The following C1orf146 variants were observed in gnomAD, a reference collection of about 807,000 sequenced individuals.
C1orf146 encodes chromosome 1 open reading frame 146.
Under a neutral mutation model 23.0 loss-of-function variants are expected in C1orf146, and 22 were observed. The ratio of observed to expected loss-of-function variants is 0.96; its 90% CI spans 0.68 to 1.36. C1orf146 has a LOEUF of 1.36. Among genes scored for constraint, C1orf146 ranks in the 40% most tolerant of loss-of-function variants. The pLI is 0.00. For synonymous variants in C1orf146, 59 were observed against 65.3 expected, an observed-to-expected ratio of 0.90 and a Z score of 0.47; for missense variants, 199 against 206.8, an observed-to-expected ratio of 0.96 and a Z score of 0.23.
intron 2 of C1orf146, among the ~76,000 whole-genome samples, chr1:92,235,085 AG>A (rs1652242724): frequency 6.6e-6 from 1 of 152,000 alleles, no homozygotes; most frequent in Admixed American, 6.6e-5. Flanking sequence ...AATTTTTTGA[AG>A]GGTTTTTTGT....
chr1:92,229,831 A>C (rs1652065840), intron 1 of C1orf146, among the ~76,000 whole-genome samples: 2 of 152,114 alleles, frequency 1.3e-5, no homozygotes, highest in South Asian at 4.1e-4. Flanking sequence ...TATATAAGAA[A>C]AAGAAAAAAG....
chr1:92,239,502 G>A (rs2100746344), intron 2 of C1orf146, among the ~76,000 whole-genome samples: 1 of 152,232 alleles, frequency 6.6e-6, no homozygotes, highest in East Asian at 1.9e-4. Context: ...TATAATCCCA[G>A]CACTTTGGGA....
rs776960625 is a variant in C1orf146, at chr1:92,231,451, T to C, written c.31T>C (p.Trp11Arg). The change falls in exon 2 of 6, where the codon TGG (tryptophan) becomes CGG (arginine). Residue 11 changes from tryptophan (W) to arginine (R), a missense_variant. Physicochemically the swap from Trp to Arg is moderately radical, Grantham distance 101 (BLOSUM62 -3). Coordinates refer to ENST00000370375, the MANE Select transcript of C1orf146 (RefSeq NM_001012425.2). Reference sequence around the variant, plus strand: ...TGAAAGTGGAAAAGAAAAAATAAAATGGACAACCACCATTATTATTAGCTC... The same window carrying C: ...TGAAAGTGGAAAAGAAAAAATAAAACGGACAACCACCATTATTATTAGCTC... MAESGKEKIKWTTTIIISSSL... is the reference protein window; with the variant it reads MAESGKEKIKRTTTIIISSSL... The C allele has an allele frequency of 6.2e-7, 1 of 1,611,410 alleles. No homozygotes were observed. The highest frequency in any genetic ancestry group is 8.5e-7 in the Non-Finnish European group (1 of 1,179,136).
chr1:92,245,097 G>T (rs959517983), intron 5 of C1orf146, among the ~76,000 whole-genome samples: 1 of 152,092 alleles, frequency 6.6e-6, no homozygotes, highest in Non-Finnish European at 1.5e-5. Flanking sequence ...TGGCCCTATT[G>T]GTTACTTATA....
intron 2 of C1orf146, among the ~76,000 whole-genome samples, chr1:92,238,180 G>A (rs1311156153): frequency 1.3e-5 from 2 of 152,110 alleles, no homozygotes; most frequent in Non-Finnish European, 1.5e-5. Flanking sequence ...CCCACAACCT[G>A]CACGATGGCT....
At chr1:92,230,367 C>G (rs1652088878) in intron 1 of C1orf146, among the ~76,000 whole-genome samples, 1 of 151,620 alleles carries the variant, frequency 6.6e-6, no homozygotes, top group South Asian at 2.1e-4. Context: ...AATCCCAGCA[C>G]TTTGGGAGGC....
chr1:92,223,568 T>C (rs914513342), intron 1 of C1orf146, among the ~76,000 whole-genome samples: 1 of 152,208 alleles, frequency 6.6e-6, no homozygotes, highest in Non-Finnish European at 1.5e-5. Context: ...AGTCTTGCTC[T>C]GTTGCCCAGG....
At chr1:92,234,369 CAT>C (rs1652218726) in intron 2 of C1orf146, among the ~76,000 whole-genome samples, 1 of 152,140 alleles carries the variant, frequency 6.6e-6, no homozygotes, top group African/African-American at 2.4e-5. Flanking sequence ...TTGAGATAAT[CAT>C]GTGGTTTTTG....
chr1:92,232,879 A>G (rs956796261), intron 2 of C1orf146, among the ~76,000 whole-genome samples: 6 of 151,816 alleles, frequency 4.0e-5, no homozygotes, highest in South Asian at 2.1e-4. Context: ...GCATTTTTTC[A>G]TGTGTTTTTT....
chr1:92,221,073 T>C (rs1165556104), intron 1 of C1orf146, among the ~76,000 whole-genome samples: 2 of 152,066 alleles, frequency 1.3e-5, no homozygotes, highest in Non-Finnish European at 2.9e-5. Flanking sequence ...TTTTAATTCA[T>C]GGAAAAAGCA....
At chr1:92,236,438 C>T (rs1652278190) in intron 2 of C1orf146, among the ~76,000 whole-genome samples, 2 of 152,134 alleles carry the variant, frequency 1.3e-5, no homozygotes, top group African/African-American at 2.4e-5. Flanking sequence ...ATATTGGCCC[C>T]CACTCTCTTC....
chr1:92,243,416 A>G (rs1825813), intron 3 of C1orf146, among the ~76,000 whole-genome samples: 130,527 of 151,922 alleles, frequency 0.86, 56,554 homozygotes, highest in East Asian at 1. Context: ...GTGTGATCTC[A>G]GCTCACTGCA....
chr1:92,238,652 C>T (rs992479146), intron 2 of C1orf146, among the ~76,000 whole-genome samples: 5 of 151,808 alleles, frequency 3.3e-5, no homozygotes, highest in Admixed American at 2.0e-4. Flanking sequence ...TTGGCTCCTC[C>T]TCCTCCTGAT....
At chr1:92,244,511 G>T in intron 4 of C1orf146, 126 bp downstream of exon 4, 1 of 768,848 alleles carries the variant, frequency 1.3e-6, no homozygotes, top group Non-Finnish European at 2.1e-6. Context: ...CAAATTTAAT[G>T]AAACATGGGC....
In C1orf146 at chr1:92,220,925, G is replaced by A. The variant is rs6670410; in HGVS notation, c.-40+2877G>A. Among the ~76,000 whole-genome samples, 908 of 152,290 alleles carry A rather than the reference G, an allele frequency of 6.0e-3. 10 individuals carry two copies. The highest frequency in any genetic ancestry group is 0.021 in the African/African-American group (867 of 41,568). ...GTAGAGTTGCAGAGTTACAGGTTAC[G>A]AGTATCTTCAACTTTAGTAGATAAT... On this transcript the variant is annotated intron_variant, in intron 1 of 5. Coordinates refer to ENST00000370375, the MANE Select transcript of C1orf146 (RefSeq NM_001012425.2).
intron 2 of C1orf146, among the ~76,000 whole-genome samples, chr1:92,240,006 T>C (rs966660014): frequency 1.3e-5 from 2 of 152,194 alleles, no homozygotes; most frequent in African/African-American, 4.8e-5. Context: ...ATGAGAGAAT[T>C]GAGAAAATAG....
At chr1:92,237,895 C>T (rs1652335224) in intron 2 of C1orf146, among the ~76,000 whole-genome samples, 1 of 152,108 alleles carries the variant, frequency 6.6e-6, no homozygotes, top group Admixed American at 6.6e-5. Flanking sequence ...TTTTTACTTA[C>T]ATTTTCTTCC....
intron 2 of C1orf146, among the ~76,000 whole-genome samples, chr1:92,241,776 T>TA: frequency 6.6e-6 from 1 of 152,252 alleles, no homozygotes; most frequent in East Asian, 1.9e-4. Flanking sequence ...AGTTTTTTTT[T>TA]AAAGTGAAGT....
chr1:92,233,718 G>T (rs913596354), intron 2 of C1orf146, among the ~76,000 whole-genome samples: 2 of 152,090 alleles, frequency 1.3e-5, no homozygotes, highest in Non-Finnish European at 2.9e-5. Context: ...CCATTTTCCC[G>T]ATATTGATTC....
Sources: gnomAD v4.1 joint callset for allele counts (sites outside exome capture counted in the v4.1 genomes callset) on GRCh38, gnomAD v4.1.1 for gene constraint, MANE v1.5 for transcripts, NCBI Gene and HGNC (gene_info 2026-07-23, HGNC 2026-07-21) for gene names.